Variants in SCOC observed in about 807,000 individuals in gnomAD.
SCOC encodes the protein short coiled-coil protein.
SCOC carries 7 observed loss-of-function variants against 9.9 expected under a neutral mutation model. That is an observed-to-expected ratio of 0.71 (90% CI 0.40 to 1.33). The LOEUF (loss-of-function observed/expected upper bound fraction) is 1.33. Among genes scored for constraint, SCOC ranks in the 40% most tolerant of loss-of-function variants. The pLI is 0.01. For synonymous variants in SCOC, 19 were observed against 28.2 expected (o/e 0.67, Z 1.03); for missense variants, 66 against 89.7 (o/e 0.74, Z 1.07).
At chr4:140,328,157 T>C (rs1732705013) in intron 1 of SCOC, among the ~76,000 whole-genome samples, 1 of 152,208 alleles carries the variant, frequency 6.6e-6, no homozygotes, top group African/African-American at 2.4e-5. Context: ...TGCTCTATCA[T>C]GTTAGCTCTT....
rs371742207 is a variant in SCOC, at chr4:140,385,374, CAT to C, written c.*4273_*4274del. 2.0e-5 allele frequency: 3 copies of C among 152,178 alleles called. No homozygotes were observed. The highest frequency in any genetic ancestry group is 7.2e-5 in the African/African-American group (3 of 41,432). The allele number at this position is 152,178 out of a possible 1,614,324, so 9.4% of individuals were successfully genotyped here. On this transcript the variant is annotated 3_prime_UTR_variant, in exon 4 of 4. Transcript: ENST00000608372. ...ATTAAAGTAGGATAAAGAAAGACTA[CAT>C]ATGTACATAAAACCTTGCCGGGGAA...
intron 2 of SCOC, among the ~76,000 whole-genome samples, chr4:140,355,763 C>G (rs916745305): frequency 6.6e-6 from 1 of 152,060 alleles, no homozygotes; most frequent in East Asian, 1.9e-4. Flanking sequence ...AAAATTGTAT[C>G]TATGTTGCGA....
chr4:140,258,939 A>G (rs545157335), intron 1 of SCOC, among the ~76,000 whole-genome samples: 7 of 152,350 alleles, frequency 4.6e-5, no homozygotes, highest in African/African-American at 1.7e-4. Context: ...TATTTTCACT[A>G]AAAAGCAGAT....
At chr4:140,322,130 T>C (rs1225446324) in intron 1 of SCOC, among the ~76,000 whole-genome samples, 1 of 152,192 alleles carries the variant, frequency 6.6e-6, no homozygotes, top group Non-Finnish European at 1.5e-5. Flanking sequence ...GTCTAGTCTG[T>C]GGTATTTTGT....
chr4:140,356,902 T>A (rs1348078166), intron 2 of SCOC, among the ~76,000 whole-genome samples: 1 of 152,202 alleles, frequency 6.6e-6, no homozygotes, highest in Non-Finnish European at 1.5e-5. Context: ...TGAGTTATAA[T>A]CCTCAGTATA....
intron 1 of SCOC, among the ~76,000 whole-genome samples, chr4:140,297,787 G>C (rs75913252): frequency 1.7e-4 from 26 of 152,258 alleles, no homozygotes; most frequent in African/African-American, 5.5e-4. Context: ...GGAGACAGTG[G>C]GGGGAGGGAG....
intron 1 of SCOC, among the ~76,000 whole-genome samples, chr4:140,272,504 T>C (rs1455164547): frequency 6.6e-6 from 1 of 152,212 alleles, no homozygotes; most frequent in Non-Finnish European, 1.5e-5. Flanking sequence ...CTTTAATACC[T>C]TTGTTATCAG....
At chr4:140,282,478 C>A (rs1185227563) in intron 1 of SCOC, among the ~76,000 whole-genome samples, 1 of 152,120 alleles carries the variant, frequency 6.6e-6, no homozygotes, top group Non-Finnish European at 1.5e-5. Context: ...TCCCACCCCC[C>A]GTCCCCATGA....
At chr4:140,373,614 G>T (rs780856698), upstream of SCOC, 6 of 1,551,720 alleles carry the variant, frequency 3.9e-6, no homozygotes, top group South Asian at 5.9e-5. Flanking sequence ...CACGGCGCAC[G>T]TTCTGTGGGC....
In SCOC at chr4:140,382,642, T is replaced by A. The variant is rs1728610383; in HGVS notation, c.*1538T>A. ...GGTTATTCAATGCCACAGAATAGTGTATCTTATTTAAGTACCCAGTTACTG... is the reference window on the plus strand; with the variant it reads ...GGTTATTCAATGCCACAGAATAGTGAATCTTATTTAAGTACCCAGTTACTG... On this transcript the variant is annotated 3_prime_UTR_variant, in exon 4 of 4. Coordinates refer to ENST00000608372, the MANE Select transcript of SCOC (RefSeq NM_001153484.2). The A allele has an allele frequency of 6.6e-6, 1 of 152,656 alleles. No individual in the cohort carries two copies. The highest frequency in any genetic ancestry group is 1.5e-5 in the Non-Finnish European group (1 of 68,036). The allele number at this position is 152,656 out of a possible 1,614,324, so 9.5% of individuals were successfully genotyped here. A position where few individuals can be genotyped will look rare whatever the true frequency, so the allele number is the denominator to read the frequency against.
upstream of SCOC, among the ~76,000 whole-genome samples, chr4:140,370,737 A>G (rs1728017258): frequency 6.6e-6 from 1 of 152,076 alleles, no homozygotes; most frequent in South Asian, 2.1e-4. Flanking sequence ...CCCTTTATCT[A>G]ATTGTTTTAA....
intron 1 of SCOC, among the ~76,000 whole-genome samples, chr4:140,277,865 C>T (rs981889278): frequency 2.0e-5 from 3 of 152,152 alleles, no homozygotes; most frequent in Admixed American, 2.0e-4. Flanking sequence ...GATTTGTTGG[C>T]TCTTTCACTA....
In SCOC at chr4:140,302,656, T is replaced by C. The variant is rs72937790; in HGVS notation, c.-18-40965T>C. ...TCTTCAGAATGGATGTCATTCTCAA[T>C]GATAATCACGTGATTTGCTAAGATT... On this transcript the variant is annotated intron_variant, in intron 1 of 4. Coordinates refer to the SCOC transcript ENST00000394205. 4.2e-3 allele frequency among the ~76,000 whole-genome samples: 639 copies of C among 152,324 alleles called. 6 individuals carry two copies. The highest frequency in any genetic ancestry group is 0.015 in the African/African-American group (604 of 41,560).
chr4:140,274,353 A>T (rs1330226900), intron 1 of SCOC, among the ~76,000 whole-genome samples: 1 of 152,208 alleles, frequency 6.6e-6, no homozygotes, highest in Non-Finnish European at 1.5e-5. Flanking sequence ...ATATAGCTGT[A>T]ACCATTTTCT....
intron 1 of SCOC, among the ~76,000 whole-genome samples, chr4:140,309,145 C>T (rs575391155): frequency 3.0e-4 from 46 of 152,314 alleles, no homozygotes; most frequent in Non-Finnish European, 6.0e-4. Context: ...ATACCATCTT[C>T]CCAAGACAGC....
At position 140,350,289 on chromosome 4, in the gene SCOC, C is replaced by T. The variant is rs141457310; in HGVS notation, c.70+6581C>T. 1.3e-4 allele frequency among the ~76,000 whole-genome samples: 20 copies of T among 152,226 alleles called. No homozygotes were observed. In the South Asian group the frequency reaches 1.7e-3, roughly 13 times the overall value. On this transcript the variant is annotated intron_variant, in intron 2 of 4. Transcript: ENST00000338517. ...TATGAACAGACTATTCAATAGACTG[C>T]GAGCTTCTAAAACACAGCCTGGGTT...
At chr4:140,356,973 T>G (rs1289622406) in intron 2 of SCOC, among the ~76,000 whole-genome samples, 1 of 152,120 alleles carries the variant, frequency 6.6e-6, no homozygotes, top group Non-Finnish European at 1.5e-5. Context: ...ATTTATTTAT[T>G]TGTTCATTTA....
intron 1 of SCOC, among the ~76,000 whole-genome samples, chr4:140,300,856 A>G (rs1016966500): frequency 7.2e-5 from 11 of 152,222 alleles, no homozygotes; most frequent in African/African-American, 2.7e-4. Context: ...ACATGTGTGT[A>G]TATGCAAGGC....
At chr4:140,294,434 A>T (rs762945661) in intron 1 of SCOC, among the ~76,000 whole-genome samples, 1 of 152,214 alleles carries the variant, frequency 6.6e-6, no homozygotes, top group East Asian at 1.9e-4. Context: ...CCCTACATGC[A>T]TGAATGCAAT....
Sources: allele counts gnomAD v4.1 joint callset (sites outside exome capture counted in the v4.1 genomes callset), GRCh38; gene constraint gnomAD v4.1.1; transcripts MANE v1.5; gene names NCBI Gene and HGNC (gene_info 2026-07-23, HGNC 2026-07-21).